MYO7A: variants seen among roughly 807,000 people sequenced by gnomAD.
The protein encoded by MYO7A is myosin VIIA.
Under a neutral mutation model 263.8 loss-of-function variants are expected in MYO7A, and 210 were observed. The ratio of observed to expected loss-of-function variants is 0.80; its 90% CI spans 0.71 to 0.89. MYO7A has a LOEUF of 0.89. Ranked by LOEUF, MYO7A falls within the 40% of genes least tolerant of loss-of-function variation. MYO7A has a pLI of 0.00. For synonymous variants in MYO7A, 1,239 were observed against 1,197.3 expected, an observed-to-expected ratio of 1.03 and a Z score of -0.72; for missense variants, 2,820 against 2,968.3, an observed-to-expected ratio of 0.95 and a Z score of 1.16.
chr11:77,156,957 G>A lies in MYO7A; in HGVS notation c.688G>A (p.Ala230Thr), dbSNP rs375182858. ...HFNKRGAIEG[A>T]KIEQYLLEKS... ...CAACAAGCGGGGCGCCATCGAGGGC[G>A]CGAAGATTGAGCAGTACCTGCTGGA... The change falls in exon 7 of 49, where the codon GCG becomes ACG. Residue 230 changes from alanine to threonine, a missense_variant. Coordinates refer to ENST00000409709, the MANE Select transcript of MYO7A (RefSeq NM_000260.4). 29 of 1,613,820 alleles carry A rather than the reference G, an allele frequency of 1.8e-5. No homozygotes were observed. The highest frequency in any genetic ancestry group is 2.7e-5 in the African/African-American group (2 of 74,934).
rs200454015 is a variant in MYO7A at position 77,180,404 on chromosome 11, C to A, written c.2617C>A (p.Arg873=). The A allele has an allele frequency of 3.7e-6, 6 of 1,611,834 alleles. No individual in the cohort carries two copies. The highest frequency in any genetic ancestry group is 1.3e-5 in the African/African-American group (1 of 74,900). ...GTGGCGCCTCGAGGCTGAGAAAATG[C>A]GGCTGGCGGAGGAAGAGAAGCTTCG... ...YLWRLEAEKM[R]LAEEEKLRKE... Residue 873 remains arginine, a synonymous_variant, in exon 22 of 49, where the codon CGG becomes AGG. Transcript: ENST00000409709.
chr11:77,201,924 G>A (rs975569140), intron 36 of MYO7A, among the ~76,000 whole-genome samples: 1 of 152,124 alleles, frequency 6.6e-6, no homozygotes, highest in Non-Finnish European at 1.5e-5. Flanking sequence ...GGGCACAGCT[G>A]GGAAGGGGGC....
intron 47 of MYO7A, 98 bp from the exon 48 acceptor site, chr11:77,213,762 C>T (rs919539929): frequency 7.1e-6 from 11 of 1,554,324 alleles, no homozygotes; most frequent in African/African-American, 4.1e-5. Flanking sequence ...CGGCCATGGG[C>T]TCCTCTGAGG....
intron 29 of MYO7A, 27 bp downstream of exon 29, chr11:77,190,166 G>A (rs188000270): frequency 9.9e-5 from 152 of 1,531,502 alleles, no homozygotes; most frequent in Middle Eastern, 1.8e-4. Flanking sequence ...GCACGTGCTC[G>A]TGTGCATGTG....
Position 77,201,440 on chromosome 11 carries a change from C to T in MYO7A, c.4853-8C>T, listed in dbSNP as rs1397402767. On this transcript the variant is annotated splice_polypyrimidine_tract_variant and splice_region_variant and intron_variant, in intron 35 of 48. Coordinates refer to ENST00000409709, the MANE Select transcript of MYO7A (RefSeq NM_000260.4). ...GCCCCCATGGTCCCACTCACCTCTG[C>T]TCTACAGCAGGCGAGGAGTCAGGCT... is the stretch of plus-strand genomic sequence containing the variant. 5 of 1,612,398 alleles carry T rather than the reference C, an allele frequency of 3.1e-6. No individual in the cohort carries two copies. The highest frequency in any genetic ancestry group is 4.2e-6 in the Non-Finnish European group (5 of 1,179,196).
intron 2 of MYO7A, among the ~76,000 whole-genome samples, chr11:77,131,884 G>A (rs34589887): frequency 0.02 from 3,044 of 152,336 alleles, 60 homozygotes; most frequent in Middle Eastern, 0.058. Flanking sequence ...GCACAGGCCG[G>A]GCCTAATGGG....
intron 26 of MYO7A, among the ~76,000 whole-genome samples, chr11:77,184,019 C>T (rs1955464803): frequency 6.6e-6 from 1 of 152,194 alleles, no homozygotes; most frequent in Non-Finnish European, 1.5e-5. Flanking sequence ...TCTGCACCAC[C>T]CACTCCTGCC....
In MYO7A at chr11:77,179,959, G is replaced by A. The variant is rs1348874220; in HGVS notation, c.2586+6G>A. 5.3e-6 allele frequency: 8 copies of A among 1,517,466 alleles called. No individual in the cohort carries two copies. Among genetic ancestry groups the A allele is most frequent in the Non-Finnish European group, 7.1e-6 (8 of 1,131,738 alleles). 94.0% of individuals were successfully genotyped at this position (1,517,466 alleles called of 1,614,324 possible). On this transcript the variant is annotated splice_donor_region_variant and intron_variant, in intron 21 of 48. Coordinates refer to ENST00000409709, the MANE Select transcript of MYO7A (RefSeq NM_000260.4). The stretch of plus-strand genomic sequence containing the variant: ...ACCAACGCCTCAGGGCTGAGGTGAG[G>A]GAGCAAGTCCATAGCACCCACAGCT...
At position 77,131,394 on chromosome 11, in the gene MYO7A, GT is replaced by G. The variant is rs1950761994; in HGVS notation, c.18+745del. 2.0e-5 allele frequency among the ~76,000 whole-genome samples: 3 copies of G among 152,330 alleles called. No homozygotes were observed. In the East Asian group the frequency reaches 5.8e-4, roughly 29 times the overall value. On this transcript the variant is annotated intron_variant, in intron 2 of 48. Transcript: ENST00000409709. Reference sequence around the variant, plus strand: ...ACCCTGAGGCTGCACGGACCAGCATGTTTGCATATGAGTGCGTGCGCGTGTG... The same window carrying G: ...ACCCTGAGGCTGCACGGACCAGCATGTTGCATATGAGTGCGTGCGCGTGTG...
rs750178614 is a variant in MYO7A, at chr11:77,198,572, G to A, written c.4519G>A (p.Val1507Ile). 3.7e-6 allele frequency: 6 copies of A among 1,613,960 alleles called. No homozygotes were observed. The Admixed American group carries it at 6.7e-5, about 18-fold the overall frequency. The change falls in exon 34 of 49, where the codon GTA (valine) becomes ATA (isoleucine). Residue 1507 changes from valine (V) to isoleucine (I), a missense_variant. Physicochemically the swap from Val to Ile is conservative, Grantham distance 29. Coordinates refer to ENST00000409709, the MANE Select transcript of MYO7A (RefSeq NM_000260.4). ...GTACTTTGTGGATGAGCAGGAGCAGGTACTTCTGGAGCTGTCCTTCCCAGA... is the reference window on the plus strand; with the variant it reads ...GTACTTTGTGGATGAGCAGGAGCAGATACTTCTGGAGCTGTCCTTCCCAGA... The part of the protein sequence containing the change: ...GVYFVDEQEQ[V>I]LLELSFPEIM...
chr11:77,153,335 G>GA (rs1330944146), intron 4 of MYO7A, among the ~76,000 whole-genome samples: 1 of 152,084 alleles, frequency 6.6e-6, no homozygotes, highest in African/African-American at 2.4e-5. Flanking sequence ...GGGAAGGCTG[G>GA]AGAGAGCAGG....
intron 31 of MYO7A, among the ~76,000 whole-genome samples, chr11:77,192,976 A>ATGGT (rs1956258568): frequency 7.1e-5 from 1 of 14,178 alleles, no homozygotes; most frequent in African/African-American, 4.6e-4. Flanking sequence ...TGGTGGAGGT[A>ATGGT]GTTGTGATGG....
chr11:77,157,372 G>C lies in MYO7A; in HGVS notation c.829G>C (p.Asp277His). The change falls in exon 8 of 49, where the codon GAC (aspartate) becomes CAC (histidine). Residue 277 changes from aspartate (D) to histidine (H), a missense_variant. Transcript: ENST00000409709. ...KKKLGLGQAS[D>H]YNYLAMGNCI... ...GAAGCTGGGCTTGGGCCAGGCCTCT[G>C]ACTACAACTACTTGGCCATGGTGAG... 2 of 1,608,854 alleles carry C rather than the reference G, an allele frequency of 1.2e-6. No individual in the cohort carries two copies. Among genetic ancestry groups the C allele is most frequent in the Non-Finnish European group, 1.7e-6 (2 of 1,177,760 alleles).
rs935065710 is a variant in MYO7A at position 77,215,024 on chromosome 11, T to C, written c.*328T>C. ...CCCACCATGCAACTTCCTTTGACTT[T>C]CTGTGTACCACTGGGATAGAGGAAT... On this transcript the variant is annotated 3_prime_UTR_variant, in exon 49 of 49. Transcript: ENST00000409709. 6.3e-6 allele frequency: 2 copies of C among 318,404 alleles called. No homozygotes were observed. The highest frequency in any genetic ancestry group is 4.4e-5 in the Admixed American group (1 of 22,500). 19.7% of individuals were successfully genotyped at this position (318,404 alleles called of 1,614,324 possible). A position where few individuals can be genotyped will look rare whatever the true frequency, so the allele number is the denominator to read the frequency against.
intron 19 of MYO7A, among the ~76,000 whole-genome samples, chr11:77,178,228 C>CCCATCCATCCATCCAT (rs1426304782): frequency 4.9e-4 from 61 of 123,326 alleles, no homozygotes; most frequent in African/African-American, 2.0e-3. Context: ...CACCTATTCA[C>CCCATCCATCCATCCAT]CCATCCATCC....
intron 28 of MYO7A, 88 bp from the exon 29 acceptor site, chr11:77,189,932 C>A: frequency 1.4e-6 from 2 of 1,442,948 alleles, no homozygotes; most frequent in Non-Finnish European, 1.8e-6. Context: ...GGAGGAGCGG[C>A]CTCCAAGTGC....
intron 3 of MYO7A, among the ~76,000 whole-genome samples, chr11:77,147,051 C>A (rs1555054048): frequency 6.6e-6 from 1 of 152,118 alleles, no homozygotes; most frequent in East Asian, 1.9e-4. Context: ...GAGTTCACAC[C>A]TCTTGCTCCC....
chr11:77,186,221 C>T (rs535784667), intron 27 of MYO7A, among the ~76,000 whole-genome samples: 24 of 152,238 alleles, frequency 1.6e-4, no homozygotes, highest in African/African-American at 5.5e-4. Context: ...CAGCCAGCCT[C>T]TTGTACATAA....
chr11:77,148,020 C>A, intron 4 of MYO7A, 70 bp downstream of exon 4: 1 of 1,375,250 alleles, frequency 7.3e-7, no homozygotes, highest in Non-Finnish European at 9.6e-7. Flanking sequence ...CGCCCCACCC[C>A]GCCCGACTTG....
Sources: gnomAD v4.1 joint callset for allele counts (sites outside exome capture counted in the v4.1 genomes callset) on GRCh38, gnomAD v4.1.1 for gene constraint, MANE v1.5 for transcripts, NCBI Gene and HGNC (gene_info 2026-07-23, HGNC 2026-07-21) for gene names.